MTRFR: variants seen among roughly 807,000 people sequenced by gnomAD.
The protein encoded by MTRFR is mitochondrial translation release factor in rescue.
A neutral mutation model predicts 11.9 loss-of-function variants in MTRFR; 10 were observed. The observed-to-expected ratio is 0.84, with a 90% confidence interval of 0.52 to 1.42. The LOEUF (loss-of-function observed/expected upper bound fraction) is 1.42, where lower values mean the gene tolerates loss of function less well. Ranked by LOEUF, MTRFR falls within the 40% of genes most tolerant of loss-of-function variation. The pLI is 0.00. For synonymous variants in MTRFR, 77 were observed against 79.1 expected, an observed-to-expected ratio of 0.97 and a Z score of 0.14; for missense variants, 196 against 197.9, an observed-to-expected ratio of 0.99 and a Z score of 0.06.
chr12:123,253,293 C>G, intron 1 of MTRFR: 2 of 286,318 alleles, frequency 7.0e-6, no homozygotes, highest in Non-Finnish European at 1.4e-5. Flanking sequence ...CTGCCTCGGC[C>G]TCCCAAAGTG....
intron 1 of MTRFR, among the ~76,000 whole-genome samples, chr12:123,234,319 A>C (rs955438886): frequency 2.0e-5 from 3 of 150,134 alleles, no homozygotes; most frequent in African/African-American, 7.4e-5. Context: ...GGAATAACAG[A>C]TCTGCCAGGA....
chr12:123,235,978 C>T (rs1168412708), intron 1 of MTRFR, among the ~76,000 whole-genome samples: 1 of 151,764 alleles, frequency 6.6e-6, no homozygotes, highest in East Asian at 2.0e-4. Flanking sequence ...GCAGGAGAAT[C>T]GCTGGAACCC....
intron 1 of MTRFR, 34 bp from the exon 2 acceptor site, chr12:123,253,613 C>T (rs1272455177): frequency 6.2e-7 from 1 of 1,604,854 alleles, no homozygotes; most frequent in East Asian, 2.2e-5. Context: ...GCAGATGCCT[C>T]TTACTGAAAG....
chr12:123,251,382 C>T (rs543985861), intron 1 of MTRFR: 9 of 152,404 alleles, frequency 5.9e-5, no homozygotes, highest in East Asian at 3.9e-4. Context: ...TAAATTGTTA[C>T]GAAGTTCGAC....
At chr12:123,241,337 T>C (rs1392907095) in intron 1 of MTRFR, among the ~76,000 whole-genome samples, 1 of 152,022 alleles carries the variant, frequency 6.6e-6, no homozygotes. Context: ...TTTTTTGTTG[T>C]TGTTGTTTTT....
intron 1 of MTRFR, among the ~76,000 whole-genome samples, chr12:123,242,367 ATTTTTC>A (rs1490605819): frequency 6.6e-6 from 1 of 151,926 alleles, no homozygotes; most frequent in East Asian, 1.9e-4. Flanking sequence ...TCTCTGTACC[ATTTTTC>A]TTTTTCTCTT....
At chr12:123,235,792 G>C (rs2047841611) in intron 1 of MTRFR, among the ~76,000 whole-genome samples, 1 of 152,046 alleles carries the variant, frequency 6.6e-6, no homozygotes, top group Admixed American at 6.6e-5. Context: ...GGCCGGGCGT[G>C]GTGGCTCATG....
At position 123,257,105 on chromosome 12, in the gene MTRFR, C is replaced by T. The variant is rs564259389; in HGVS notation, c.*74C>T. The stretch of plus-strand genomic sequence containing the variant: ...GGAATAATGGTGGCGAGTTCCATCA[C>T]CAGCATTATTATAGTGCTTCAAAAG... On this transcript the variant is annotated 3_prime_UTR_variant, in exon 3 of 3. Transcript: ENST00000253233. 3.5e-6 allele frequency: 4 copies of T among 1,145,452 alleles called. No individual in the cohort carries two copies. Among genetic ancestry groups the T allele is most frequent in the East Asian group, 4.7e-5 (2 of 42,860 alleles). 71.0% of individuals were successfully genotyped at this position (1,145,452 alleles called of 1,614,324 possible). A position where few individuals can be genotyped will look rare whatever the true frequency, so the allele number is the denominator to read the frequency against.
chr12:123,253,847 A>C lies in MTRFR; in HGVS notation c.173A>C (p.Asn58Thr), dbSNP rs1183489964. 6.2e-7 allele frequency: 1 copy of C among 1,614,190 alleles called. No homozygotes were observed. Among genetic ancestry groups the C allele is most frequent in the East Asian group, 2.2e-5 (1 of 44,884 alleles). The stretch of plus-strand genomic sequence containing the variant: ...CCTGCACTGCTTTCCTTGGATGAGA[A>C]TGAACTCGAAGAGCAGTTTGTGAAA... ...DYPALLSLDE[N>T]ELEEQFVKGH... Residue 58 changes from asparagine (N) to threonine (T), a missense_variant, in exon 2 of 3, where the codon AAT becomes ACT. Coordinates refer to ENST00000253233, the MANE Select transcript of MTRFR (RefSeq NM_152269.5).
Position 123,253,949 on chromosome 12 carries a change from T to C in MTRFR, c.275T>C (p.Val92Ala), listed in dbSNP as rs745369569. 4 of 1,614,060 alleles carry C rather than the reference T, an allele frequency of 2.5e-6. No homozygotes were observed. The highest frequency in any genetic ancestry group is 3.4e-6 in the Non-Finnish European group (4 of 1,179,998). The change falls in exon 2 of 3, where the codon GTT becomes GCT. Residue 92 changes from valine (V) to alanine (A), a missense_variant. Physicochemically the swap from Val to Ala is moderately conservative, Grantham distance 64. Coordinates refer to ENST00000253233, the MANE Select transcript of MTRFR (RefSeq NM_152269.5). ...CTGAAGCACATCCCCTCAGGCATCG[T>C]TGTAAAGGTAGATCACAGAAGGCCG... ...VVLKHIPSGI[V>A]VKCHQTRSVD...
chr12:123,245,107 C>G (rs902471172), intron 1 of MTRFR, among the ~76,000 whole-genome samples: 2 of 151,550 alleles, frequency 1.3e-5, no homozygotes, highest in Non-Finnish European at 2.9e-5. Flanking sequence ...CACCACTGCG[C>G]CCGGCTAATT....
intron 1 of MTRFR, among the ~76,000 whole-genome samples, chr12:123,241,121 C>T (rs1406181842): frequency 6.6e-6 from 1 of 151,360 alleles, no homozygotes; most frequent in Non-Finnish European, 1.5e-5. Flanking sequence ...CCTCCTACAT[C>T]TAGGCTTTTA....
intron 1 of MTRFR, among the ~76,000 whole-genome samples, chr12:123,252,750 C>A (rs2048129271): frequency 6.6e-6 from 1 of 152,148 alleles, no homozygotes; most frequent in South Asian, 2.1e-4. Flanking sequence ...CATGGTGAAT[C>A]CCCGCCTCTA....
rs1255911546 is a variant in MTRFR at position 123,256,949 on chromosome 12, A to G, written c.419A>G (p.Glu140Gly). Reference protein sequence around the residue: ...EKREAAKKKQERKKRAKETLE... With the variant: ...EKREAAKKKQGRKKRAKETLE... Reference sequence around the variant, plus strand: ...CGAGAAGCGGCGAAGAAAAAACAAGAAAGGAAAAAAAGAGCAAAGGAAACC... The same window carrying G: ...CGAGAAGCGGCGAAGAAAAAACAAGGAAGGAAAAAAAGAGCAAAGGAAACC... The change falls in exon 3 of 3, where the codon GAA (glutamate) becomes GGA (glycine). Residue 140 changes from glutamate (E) to glycine (G), a missense_variant. Glu to Gly is a moderately conservative substitution (Grantham distance 98). Coordinates refer to ENST00000253233, the MANE Select transcript of MTRFR (RefSeq NM_152269.5). The G allele has an allele frequency of 3.1e-6, 5 of 1,613,776 alleles. No individual in the cohort carries two copies. The highest frequency in any genetic ancestry group is 1.7e-6 in the Non-Finnish European group (2 of 1,179,942).
intron 1 of MTRFR, among the ~76,000 whole-genome samples, chr12:123,235,838 C>T (rs990256371): frequency 1.3e-5 from 2 of 151,198 alleles, no homozygotes; most frequent in Non-Finnish European, 3.0e-5. Flanking sequence ...CCGAGGCAAG[C>T]GGATCGCTTG....
At chr12:123,244,943 T>C (rs2048014367) in intron 1 of MTRFR, among the ~76,000 whole-genome samples, 2 of 133,558 alleles carry the variant, frequency 1.5e-5, no homozygotes, top group Admixed American at 7.4e-5. Flanking sequence ...TTTTTTTTTT[T>C]TTTTTTTTTT....
Position 123,257,012 on chromosome 12 carries a change from C to A in MTRFR, c.482C>A (p.Ser161Ter), listed in dbSNP as rs1392103067. 12 of 1,612,014 alleles carry A rather than the reference C, an allele frequency of 7.4e-6. No homozygotes were observed. The highest frequency in any genetic ancestry group is 1.1e-5 in the South Asian group (1 of 90,700). ...KKKLLKELWESSKKVH is the reference protein window; with the variant it reads ...KKKLLKELWE ...AAGCTACTTAAAGAACTGTGGGAGT[C>A]AAGTAAAAAGGTCCACTGAGAAAAG... The change falls in exon 3 of 3, where the codon TCA (serine) becomes TAA (stop). Residue 161 changes from serine (S) to a stop codon, truncating the protein, a stop_gained. Transcript: ENST00000253233. LOFTEE classifies it high-confidence loss of function.
intron 1 of MTRFR, among the ~76,000 whole-genome samples, chr12:123,244,268 A>G (rs976403479): frequency 5.9e-5 from 9 of 152,088 alleles, no homozygotes; most frequent in East Asian, 1.9e-4. Flanking sequence ...CCCTGTCTCT[A>G]CTAAAAATAC....
At chr12:123,249,535 G>A (rs11537458) in intron 1 of MTRFR, 5,030 of 153,482 alleles carry the variant, frequency 0.033, 134 homozygotes, top group South Asian at 0.056. Flanking sequence ...TGGGGGACCC[G>A]GCACACCCTC....
Sources: gnomAD v4.1 joint callset for allele counts (sites outside exome capture counted in the v4.1 genomes callset) on GRCh38, gnomAD v4.1.1 for gene constraint, MANE v1.5 for transcripts, NCBI Gene and HGNC (gene_info 2026-07-23, HGNC 2026-07-21) for gene names.